TIAM1: variants seen among roughly 807,000 people sequenced by gnomAD.
TIAM1 encodes rho guanine nucleotide exchange factor TIAM1.
TIAM1 carries 65 observed loss-of-function variants against 163.5 expected under a neutral mutation model. The observed-to-expected ratio is 0.40, with a 90% CI of 0.33 to 0.49. The LOEUF is 0.49. Ranked by LOEUF, TIAM1 falls within the 20% of genes least tolerant of loss-of-function variation. TIAM1 has a pLI of 0.77. For missense variants in TIAM1, 1,789 were observed against 2,044.7 expected, an observed-to-expected ratio of 0.87 and a Z score of 2.41; for synonymous variants, 833 against 810.1, an observed-to-expected ratio of 1.03 and a Z score of -0.48.
At chr21:31,396,677 C>T (rs559037709) in intron 2 of TIAM1, among the ~76,000 whole-genome samples, 5 of 151,130 alleles carry the variant, frequency 3.3e-5, no homozygotes, top group East Asian at 1.9e-4. Context: ...GGGCCAGGCG[C>T]GGTGGCTCAT....
intron 2 of TIAM1, among the ~76,000 whole-genome samples, chr21:31,413,109 A>G (rs1246999948): frequency 6.6e-6 from 1 of 152,162 alleles, no homozygotes; most frequent in Non-Finnish European, 1.5e-5. Context: ...ACTAAAATAT[A>G]AAGAAACAAA....
intron 20 of TIAM1, 40 bp downstream of exon 20, chr21:31,146,855 A>C: frequency 6.5e-7 from 1 of 1,547,650 alleles, no homozygotes; most frequent in Non-Finnish European, 8.9e-7. Context: ...CACAACTGAC[A>C]AGCAACACAC....
chr21:31,548,958 G>C (rs1297599745), intron 1 of TIAM1, among the ~76,000 whole-genome samples: 1 of 152,072 alleles, frequency 6.6e-6, no homozygotes, highest in Admixed American at 6.6e-5. Context: ...TGGAGGCAAG[G>C]CTGCCCCCAG....
chr21:31,346,734 AG>A (rs2076154994), upstream of TIAM1, among the ~76,000 whole-genome samples: 3 of 152,270 alleles, frequency 2.0e-5, no homozygotes, highest in African/African-American at 7.2e-5. Context: ...CATATAGAAA[AG>A]AATGTTACAA....
At chr21:31,542,092 C>A (rs2048339097) in intron 1 of TIAM1, among the ~76,000 whole-genome samples, 1 of 152,150 alleles carries the variant, frequency 6.6e-6, no homozygotes, top group African/African-American at 2.4e-5. Context: ...AGCCAGGCTC[C>A]TCCCATGAAG....
intron 2 of TIAM1, among the ~76,000 whole-genome samples, chr21:31,367,732 T>C (rs1569270466): frequency 6.6e-6 from 1 of 152,220 alleles, no homozygotes; most frequent in Non-Finnish European, 1.5e-5. Context: ...CTCTGTCCTT[T>C]ATCAATTACA....
chr21:31,266,916 G>A lies in TIAM1; in HGVS notation c.57C>T (p.Ala19=). ...VEHEFYGEKH[A]SLGRKHTSRS... ...GGGAAGTGTGCTTGCGCCCCAGGCT[G>A]GCATGCTTTTCTCCATAAAACTCGT... The change falls in exon 4 of 28, where the codon GCC becomes GCT. Residue 19 remains alanine (A), a synonymous_variant. Transcript: ENST00000541036. 2 of 1,611,790 alleles carry A rather than the reference G, an allele frequency of 1.2e-6. No homozygotes were observed. Among genetic ancestry groups the A allele is most frequent in the Non-Finnish European group, 1.7e-6 (2 of 1,178,250 alleles).
At chr21:31,189,721 C>T (rs1433032855) in intron 13 of TIAM1, among the ~76,000 whole-genome samples, 1 of 152,074 alleles carries the variant, frequency 6.6e-6, no homozygotes, top group African/African-American at 2.4e-5. Flanking sequence ...TGCCTTGCAA[C>T]AAACATGTGA....
intron 14 of TIAM1, among the ~76,000 whole-genome samples, chr21:31,184,384 G>T (rs1224351304): frequency 6.6e-6 from 1 of 151,560 alleles, no homozygotes; most frequent in Non-Finnish European, 1.5e-5. Flanking sequence ...GGGATTACAG[G>T]TGTGAGCCAC....
chr21:31,351,267 G>C (rs1281968470), intron 2 of TIAM1, among the ~76,000 whole-genome samples: 1 of 152,172 alleles, frequency 6.6e-6, no homozygotes, highest in Non-Finnish European at 1.5e-5. Flanking sequence ...TAAGTGACTT[G>C]TTCAAGCTCA....
intron 2 of TIAM1, among the ~76,000 whole-genome samples, chr21:31,338,064 C>A (rs1026505735): frequency 6.6e-6 from 1 of 152,022 alleles, no homozygotes. Flanking sequence ...CAGGTCAACC[C>A]GGAGGTTTTA....
intron 26 of TIAM1, 121 bp downstream of exon 26, chr21:31,126,944 G>C: frequency 1.1e-6 from 1 of 883,232 alleles, no homozygotes; most frequent in Non-Finnish European, 1.8e-6. Flanking sequence ...TCCATTTACT[G>C]CATCTCAGTG....
At chr21:31,524,751 T>G (rs751214702) in intron 1 of TIAM1, among the ~76,000 whole-genome samples, 13 of 152,140 alleles carry the variant, frequency 8.5e-5, no homozygotes, top group Non-Finnish European at 1.6e-4. Context: ...AGCTAGATAA[T>G]TACAGCAAAA....
chr21:31,197,768 C>T (rs1422382873), intron 12 of TIAM1, among the ~76,000 whole-genome samples: 3 of 152,152 alleles, frequency 2.0e-5, no homozygotes, highest in African/African-American at 7.2e-5. Flanking sequence ...ATGAGACAAG[C>T]GTGATGTCCA....
intron 14 of TIAM1, among the ~76,000 whole-genome samples, chr21:31,182,964 A>G (rs2085106990): frequency 6.6e-6 from 1 of 152,060 alleles, no homozygotes; most frequent in South Asian, 2.1e-4. Context: ...ATCTTCCTAC[A>G]CTTTTGGGGC....
intron 2 of TIAM1, among the ~76,000 whole-genome samples, chr21:31,293,303 T>C (rs73193728): frequency 0.055 from 8,436 of 152,246 alleles, 351 homozygotes; most frequent in Middle Eastern, 0.11. Flanking sequence ...CTTTGACTGA[T>C]TGGATGAGGC....
intron 1 of TIAM1, among the ~76,000 whole-genome samples, chr21:31,509,795 C>T (rs985453716): frequency 1.6e-4 from 25 of 152,202 alleles, no homozygotes; most frequent in African/African-American, 5.5e-4. Context: ...CGCCCCCTAC[C>T]TGGAAGGACA....
At chr21:31,369,403 G>T (rs557819762) in intron 2 of TIAM1, among the ~76,000 whole-genome samples, 46 of 150,132 alleles carry the variant, frequency 3.1e-4, no homozygotes, top group Admixed American at 8.7e-4. Flanking sequence ...TTAGATGGTG[G>T]GAAGGGTAGG....
chr21:31,269,566 A>G (rs2072955241), intron 3 of TIAM1, among the ~76,000 whole-genome samples: 2 of 152,214 alleles, frequency 1.3e-5, no homozygotes, highest in Non-Finnish European at 2.9e-5. Flanking sequence ...ATCAGCGTGA[A>G]AAGTTGAAAT....
Sources: allele counts gnomAD v4.1 joint callset (sites outside exome capture counted in the v4.1 genomes callset), GRCh38; gene constraint gnomAD v4.1.1; transcripts MANE v1.5; gene names NCBI Gene and HGNC (gene_info 2026-07-23, HGNC 2026-07-21).